CES5A: variants seen among roughly 807,000 people sequenced by gnomAD.
The protein encoded by CES5A is carboxylesterase 5A.
In CES5A, 67 loss-of-function variants were observed where a neutral mutation model predicts 62.9. The observed-to-expected ratio is 1.07, with a 90% CI of 0.88 to 1.31. CES5A has a LOEUF of 1.31. CES5A is among the 50% of genes most tolerant of loss of function. The pLI is 0.00. For missense variants in CES5A, 748 were observed against 708.5 expected, an observed-to-expected ratio of 1.06 and a Z score of -0.63; for synonymous variants, 296 against 280.8, an observed-to-expected ratio of 1.05 and a Z score of -0.54.
intron 9 of CES5A, among the ~76,000 whole-genome samples, chr16:55,853,355 G>A (rs1434531248): frequency 6.6e-6 from 1 of 152,178 alleles, no homozygotes; most frequent in Non-Finnish European, 1.5e-5. Flanking sequence ...CTGCATCATC[G>A]TGGAGCTCAG....
intron 1 of CES5A, among the ~76,000 whole-genome samples, chr16:55,904,921 T>C (rs1256177029): frequency 6.6e-6 from 1 of 152,212 alleles, no homozygotes; most frequent in Admixed American, 6.5e-5. Flanking sequence ...ACTTCTCTTG[T>C]TCTGTCCTGG....
chr16:55,863,568 G>C (rs1168722795), intron 5 of CES5A, 116 bp from the exon 6 acceptor site: 13 of 659,836 alleles, frequency 2.0e-5, no homozygotes, highest in African/African-American at 3.6e-5. Context: ...TAAGCTTAGA[G>C]GGGAAAAAAG....
At chr16:55,921,743 A>G (rs2034207218) in intron 1 of CES5A, among the ~76,000 whole-genome samples, 1 of 151,892 alleles carries the variant, frequency 6.6e-6, no homozygotes, top group African/African-American at 2.4e-5. Flanking sequence ...TACTGTAATT[A>G]TGGTGTGCAA....
intron 2 of CES5A, among the ~76,000 whole-genome samples, chr16:55,872,228 T>C (rs918584563): frequency 6.6e-6 from 1 of 152,212 alleles, no homozygotes; most frequent in Non-Finnish European, 1.5e-5. Context: ...CAGGATAGAC[T>C]GGCAGGGAGA....
In CES5A at chr16:55,854,531, C is replaced by CTTTCTGTTTTCTTTCTTTTTTTTTTTTTT. The variant is rs1555479325; in HGVS notation, c.1126-1504_1126-1503insAAAAAAAAAAAAAAGAAAGAAAACAGAAA. On this transcript the variant is annotated intron_variant, in intron 9 of 12. Coordinates refer to ENST00000290567, the MANE Select transcript of CES5A (RefSeq NM_001143685.2). ...TGAGGGATATCTGCCTGTAGTGTTT[C>CTTTCTGTTTTCTTTCTTTTTTTTTTTTTT]TTTTTTTTTTTTCTTTTTTTTTTTT... Among the ~76,000 whole-genome samples, 6 of 52,158 alleles carry CTTTCTGTTTTCTTTCTTTTTTTTTTTTTT rather than the reference C, an allele frequency of 1.2e-4. 2 individuals carry two copies. The highest frequency in any genetic ancestry group is 1.1e-4 in the Non-Finnish European group (3 of 28,066). 34.2% of individuals were successfully genotyped at this position (52,158 alleles called of 152,430 possible). A position where few individuals can be genotyped will look rare whatever the true frequency, so the allele number is the denominator to read the frequency against.
At chr16:55,891,213 C>G (rs924987388) in intron 1 of CES5A, among the ~76,000 whole-genome samples, 2 of 152,200 alleles carry the variant, frequency 1.3e-5, no homozygotes, top group African/African-American at 4.8e-5. Flanking sequence ...GGGAATGACA[C>G]AGCTGCAGGA....
intron 1 of CES5A, among the ~76,000 whole-genome samples, chr16:55,874,675 G>A (rs1271800979): frequency 6.6e-6 from 1 of 152,076 alleles, no homozygotes; most frequent in Non-Finnish European, 1.5e-5. Flanking sequence ...CTACTTCCAG[G>A]AGCATAAAGA....
intron 4 of CES5A, 73 bp from the exon 5 acceptor site, chr16:55,866,189 C>T: frequency 6.7e-7 from 1 of 1,492,748 alleles, no homozygotes; most frequent in African/African-American, 1.4e-5. Context: ...AAGTTCTCAG[C>T]AGAGGCTGTG....
intron 1 of CES5A, among the ~76,000 whole-genome samples, chr16:55,920,273 G>T (rs140669474): frequency 6.6e-6 from 1 of 152,282 alleles, no homozygotes; most frequent in Non-Finnish European, 1.5e-5. Context: ...CAAAAGGTGA[G>T]ATTGAGAAGA....
chr16:55,868,045 A>G (rs1284278949), intron 4 of CES5A, among the ~76,000 whole-genome samples: 1 of 152,074 alleles, frequency 6.6e-6, no homozygotes, highest in Non-Finnish European at 1.5e-5. Flanking sequence ...CTGGTCCTCA[A>G]TCTGTGTTGG....
At chr16:55,848,998 G>A (rs2033074772) in intron 11 of CES5A, among the ~76,000 whole-genome samples, 2 of 152,326 alleles carry the variant, frequency 1.3e-5, no homozygotes, top group South Asian at 4.1e-4. Context: ...CAAGAGGCCA[G>A]TGTGAATAAG....
intron 1 of CES5A, among the ~76,000 whole-genome samples, chr16:55,914,223 A>G (rs2034122388): frequency 6.6e-6 from 1 of 152,118 alleles, no homozygotes; most frequent in Non-Finnish European, 1.5e-5. Flanking sequence ...CAGTTTCCTC[A>G]CCTATAAAAT....
At position 55,871,611 on chromosome 16, in the gene CES5A, G is replaced by A; in HGVS notation, c.417+14C>T. The A allele has an allele frequency of 6.2e-7, 1 of 1,613,718 alleles. No individual in the cohort carries two copies. The highest frequency in any genetic ancestry group is 8.5e-7 in the Non-Finnish European group (1 of 1,179,874). On this transcript the variant is annotated intron_variant, in intron 3 of 12. Transcript: ENST00000290567. ...TGCTAGCTAGAGCCCGAAGCACACA[G>A]CAGGCAGCCTTACGGGGAGCTTGGA...
At chr16:55,891,720 G>A (rs1246467337) in intron 1 of CES5A, among the ~76,000 whole-genome samples, 2 of 152,154 alleles carry the variant, frequency 1.3e-5, no homozygotes, top group African/African-American at 4.8e-5. Context: ...ACAGTTCCCA[G>A]CTTGAATTTC....
intron 1 of CES5A, among the ~76,000 whole-genome samples, chr16:55,910,367 C>T (rs1304314521): frequency 1.3e-5 from 2 of 152,218 alleles, no homozygotes; most frequent in African/African-American, 4.8e-5. Context: ...CAGTCCTCTC[C>T]AGCAGATAAA....
chr16:55,914,721 T>C (rs748170495), intron 1 of CES5A, among the ~76,000 whole-genome samples: 8 of 152,154 alleles, frequency 5.3e-5, no homozygotes, highest in Non-Finnish European at 8.8e-5. Flanking sequence ...GGAATTGCTG[T>C]CCCTGGAGAG....
intron 2 of CES5A, among the ~76,000 whole-genome samples, chr16:55,948,402 A>G (rs556996708): frequency 7.2e-5 from 11 of 152,318 alleles, no homozygotes; most frequent in Admixed American, 2.0e-4. Flanking sequence ...TGCACTTTAC[A>G]TAAGATAAAG....
At chr16:55,894,678 T>A (rs1359030460) in intron 1 of CES5A, among the ~76,000 whole-genome samples, 1 of 152,064 alleles carries the variant, frequency 6.6e-6, no homozygotes, top group Non-Finnish European at 1.5e-5. Flanking sequence ...TGGAAAGTAA[T>A]AAAATCTTTA....
chr16:55,941,876 A>T (rs2034450058), intron 2 of CES5A, among the ~76,000 whole-genome samples: 1 of 152,166 alleles, frequency 6.6e-6, no homozygotes, highest in South Asian at 2.1e-4. Context: ...ATAGAACAGT[A>T]CATCCTTCCA....
Sources: allele counts gnomAD v4.1 joint callset (sites outside exome capture counted in the v4.1 genomes callset), GRCh38; gene constraint gnomAD v4.1.1; transcripts MANE v1.5; gene names NCBI Gene and HGNC (gene_info 2026-07-23, HGNC 2026-07-21).